BCL2: variants seen among roughly 807,000 people sequenced by gnomAD.
The protein encoded by BCL2 is apoptosis regulator Bcl-2.
BCL2 carries 1 observed loss-of-function variant against 14.2 expected under a neutral mutation model. The ratio of observed to expected loss-of-function variants is 0.07; its 90% CI spans 0.02 to 0.33. BCL2 has a LOEUF of 0.33. Among genes scored for constraint, BCL2 ranks in the 10% least tolerant of loss-of-function variants. BCL2 has a pLI of 0.99. For synonymous variants in BCL2, 151 were observed against 137.2 expected, an observed-to-expected ratio of 1.10 and a Z score of -0.70; for missense variants, 247 against 305.9, an observed-to-expected ratio of 0.81 and a Z score of 1.44.
intron 2 of BCL2, among the ~76,000 whole-genome samples, chr18:63,219,945 TCAGAACTC>T (rs1910339896): frequency 6.6e-6 from 1 of 152,164 alleles, no homozygotes; most frequent in Admixed American, 6.5e-5. Context: ...AAAAGTAGGC[TCAGAACTC>T]CAGAAATCGG....
Position 63,319,241 on chromosome 18 carries a change from A to C in BCL2, c.-354T>G. 1 of 243,630 alleles carries C rather than the reference A, an allele frequency of 4.1e-6. No homozygotes were observed. Among genetic ancestry groups the C allele is most frequent in the Non-Finnish European group, 7.8e-6 (1 of 128,546 alleles). 15.1% of individuals were successfully genotyped at this position (243,630 alleles called of 1,614,324 possible). On this transcript the variant is annotated 5_prime_UTR_variant, in exon 1 of 3. Coordinates refer to ENST00000333681, the MANE Select transcript of BCL2 (RefSeq NM_000633.3). ...TTTTGTAAAACCAAAACAAATGCAT[A>C]AGGCAACGATCCCATCAATCTTCAG...
chr18:63,188,261 C>G (rs1053249727), intron 2 of BCL2, among the ~76,000 whole-genome samples: 1 of 152,176 alleles, frequency 6.6e-6, no homozygotes, highest in East Asian at 1.9e-4. Context: ...CAGTCTTTGG[C>G]GTTAGACCTG....
chr18:63,143,577 G>T (rs1295692000), intron 2 of BCL2, among the ~76,000 whole-genome samples: 4 of 152,274 alleles, frequency 2.6e-5, no homozygotes, highest in Non-Finnish European at 5.9e-5. Context: ...GCAGCTTGCA[G>T]CGGCGAGCCT....
At chr18:63,261,800 T>A (rs1911668136) in intron 2 of BCL2, among the ~76,000 whole-genome samples, 1 of 151,872 alleles carries the variant, frequency 6.6e-6, no homozygotes, top group South Asian at 2.1e-4. Flanking sequence ...TCTTTTTTTT[T>A]TTTTATTTTG....
chr18:63,293,080 C>G (rs533157946), intron 2 of BCL2, among the ~76,000 whole-genome samples: 30 of 152,258 alleles, frequency 2.0e-4, no homozygotes, highest in African/African-American at 7.0e-4. Flanking sequence ...ACCAAGACGA[C>G]CTCACCCCTG....
chr18:63,264,955 A>G (rs1252764782), intron 2 of BCL2, among the ~76,000 whole-genome samples: 8 of 684 alleles, frequency 0.012, no homozygotes, highest in Non-Finnish European at 0.025. Flanking sequence ...AAGAACACGG[A>G]CTCTCACCGG....
chr18:63,212,667 G>C (rs1428367714), intron 2 of BCL2, among the ~76,000 whole-genome samples: 1 of 152,074 alleles, frequency 6.6e-6, no homozygotes, highest in African/African-American at 2.4e-5. Flanking sequence ...ACGAGGTCAG[G>C]AGTTCGAGAG....
At chr18:63,225,309 G>A (rs1910514741) in intron 2 of BCL2, among the ~76,000 whole-genome samples, 1 of 152,062 alleles carries the variant, frequency 6.6e-6, no homozygotes, top group African/African-American at 2.4e-5. Context: ...GGAAGCTGTG[G>A]ATATGATCAT....
intron 2 of BCL2, among the ~76,000 whole-genome samples, chr18:63,257,654 C>A (rs958775829): frequency 2.0e-5 from 3 of 152,160 alleles, no homozygotes; most frequent in African/African-American, 7.2e-5. Context: ...CAAGCTTGGC[C>A]CTAGCTGACA....
chr18:63,125,444 G>C lies in BCL2; in HGVS notation c.*3181C>G. On this transcript the variant is annotated 3_prime_UTR_variant, in exon 3 of 3. Coordinates refer to ENST00000333681, the MANE Select transcript of BCL2 (RefSeq NM_000633.3). ...TGCAGCGAGGGACTGGGAGGGCCGA[G>C]GAGGTTCTCAGATGTTCTTCTCCTT... The C allele has an allele frequency of 4.5e-6, 1 of 221,974 alleles. No homozygotes were observed. Among genetic ancestry groups the C allele is most frequent in the Non-Finnish European group, 9.0e-6 (1 of 110,876 alleles). The allele number at this position is 221,974 out of a possible 1,614,324, so 13.8% of individuals were successfully genotyped here.
In BCL2 at chr18:63,128,595, G is replaced by A. The variant is rs1472325609; in HGVS notation, c.*30C>T. 3.9e-6 allele frequency: 3 copies of A among 777,948 alleles called. No homozygotes were observed. Among genetic ancestry groups the A allele is most frequent in the Non-Finnish European group, 7.2e-6 (3 of 416,192 alleles). The allele number at this position is 777,948 out of a possible 1,614,324, so 48.2% of individuals were successfully genotyped here. ...TTTCTACTGCTTTAGTGAACCTTTT[G>A]CATATTTGTTTGGGGCAGGCATGTT... On this transcript the variant is annotated 3_prime_UTR_variant, in exon 3 of 3. Coordinates refer to ENST00000333681, the MANE Select transcript of BCL2 (RefSeq NM_000633.3).
intron 2 of BCL2, among the ~76,000 whole-genome samples, chr18:63,251,286 A>C (rs1308646608): frequency 6.6e-6 from 1 of 152,000 alleles, no homozygotes; most frequent in Non-Finnish European, 1.5e-5. Flanking sequence ...ACTAGAAATT[A>C]TATTGGAACA....
chr18:63,171,671 G>A (rs1347378267), intron 2 of BCL2, among the ~76,000 whole-genome samples: 2 of 152,224 alleles, frequency 1.3e-5, no homozygotes, highest in African/African-American at 4.8e-5. Flanking sequence ...GCTTCAAGCT[G>A]TAAGAGATAA....
intron 2 of BCL2, among the ~76,000 whole-genome samples, chr18:63,299,066 C>T (rs1912881281): frequency 6.6e-6 from 1 of 152,212 alleles, no homozygotes; most frequent in South Asian, 2.1e-4. Context: ...AGGATAAAAA[C>T]ACCACCACCT....
intron 2 of BCL2, among the ~76,000 whole-genome samples, chr18:63,170,889 T>C (rs1413017258): frequency 1.3e-5 from 2 of 152,226 alleles, no homozygotes; most frequent in Non-Finnish European, 2.9e-5. Context: ...TGGACACTGA[T>C]AGAGAGTTAC....
intron 2 of BCL2, among the ~76,000 whole-genome samples, chr18:63,237,165 G>A (rs544164051): frequency 2.4e-4 from 37 of 152,176 alleles, no homozygotes; most frequent in Non-Finnish European, 8.8e-5. Context: ...CTCCCAGCCC[G>A]GGGACTGTGG....
Position 63,257,956 on chromosome 18 carries a change from T to A in BCL2, c.585+60126A>T, listed in dbSNP as rs1260863051. Among the ~76,000 whole-genome samples the A allele has an allele frequency of 2.6e-5, 4 of 152,258 alleles. No individual in the cohort carries two copies. In the East Asian group the frequency reaches 7.7e-4, roughly 29 times the overall value. The stretch of plus-strand genomic sequence containing the variant: ...GGTCGAATTATGTCCCCTCAAAAGA[T>A]ATGTTCAAGTCCCCAGTACCTGTAA... On this transcript the variant is annotated intron_variant, in intron 2 of 2. Transcript: ENST00000333681.
intron 2 of BCL2, among the ~76,000 whole-genome samples, chr18:63,212,452 ACGT>A (rs1910055948): frequency 1.3e-5 from 2 of 152,000 alleles, no homozygotes; most frequent in Admixed American, 6.6e-5. Flanking sequence ...TTTAACAGCC[ACGT>A]GAAGTAGACA....
In BCL2 at chr18:63,268,908, T is replaced by G. The variant is rs138827349; in HGVS notation, c.585+49174A>C. Among the ~76,000 whole-genome samples the G allele has an allele frequency of 2.0e-3, 307 of 152,240 alleles. 1 individual carries two copies. Among genetic ancestry groups the G allele is most frequent in the African/African-American group, 6.8e-3 (281 of 41,558 alleles). ...AACAGTACCCAATCCATGAAAGTAT[T>G]AAATATTACATATTATTATTATTAT... is the stretch of plus-strand genomic sequence containing the variant. On this transcript the variant is annotated intron_variant, in intron 2 of 2. Coordinates refer to ENST00000333681, the MANE Select transcript of BCL2 (RefSeq NM_000633.3).
Sources: allele counts gnomAD v4.1 joint callset (sites outside exome capture counted in the v4.1 genomes callset), GRCh38; gene constraint gnomAD v4.1.1; transcripts MANE v1.5; gene names NCBI Gene and HGNC (gene_info 2026-07-23, HGNC 2026-07-21).